PYCR1: variants seen among roughly 807,000 people sequenced by gnomAD.
PYCR1 encodes pyrroline-5-carboxylate reductase 1, also known as pyrroline-5-carboxylate reductase 1, mitochondrial.
In PYCR1, 19 loss-of-function variants were observed where a neutral mutation model predicts 22.9. The observed-to-expected ratio is 0.83, with a 90% confidence interval of 0.58 to 1.22. The LOEUF (loss-of-function observed/expected upper bound fraction) is 1.22, where lower values mean the gene tolerates loss of function less well. PYCR1 is among the 50% of genes most tolerant of loss of function. PYCR1 has a pLI of 0.00. For missense variants in PYCR1, 429 were observed against 431.3 expected, an observed-to-expected ratio of 0.99 and a Z score of 0.05; for synonymous variants, 175 against 180.5, an observed-to-expected ratio of 0.97 and a Z score of 0.24.
chr17:81,932,671 C>CT lies in PYCR1; in HGVS notation c.*542dup. ...AAGTTCACCAGCAGCCCAAGGAGCCCTTTCCCCAAATGTCCATGGGATCTG... is the reference window on the plus strand; with the variant it reads ...AAGTTCACCAGCAGCCCAAGGAGCCCTTTTCCCCAAATGTCCATGGGATCTG... On this transcript the variant is annotated 3_prime_UTR_variant, in exon 7 of 7. Transcript: ENST00000329875. The CT allele has an allele frequency of 1.4e-6, 1 of 714,558 alleles. No homozygotes were observed. The highest frequency in any genetic ancestry group is 2.3e-6 in the Non-Finnish European group (1 of 438,720). The allele number at this position is 714,558 out of a possible 1,614,324, so 44.3% of individuals were successfully genotyped here.
chr17:81,933,129 A>C lies in PYCR1; in HGVS notation c.*85T>G, dbSNP rs2041034990. 2.5e-6 allele frequency: 4 copies of C among 1,605,920 alleles called. No individual in the cohort carries two copies. Among genetic ancestry groups the C allele is most frequent in the Non-Finnish European group, 3.4e-6 (4 of 1,179,022 alleles). ...CCCCTGCGCTGATCAGAGCCACAGA[A>C]AGTGGGCCACTTTGGGGACCCCCTA... On this transcript the variant is annotated 3_prime_UTR_variant, in exon 7 of 7. Coordinates refer to ENST00000329875, the MANE Select transcript of PYCR1 (RefSeq NM_006907.4).
chr17:81,932,874 T>C lies in PYCR1; in HGVS notation c.*340A>G, dbSNP rs995485300. ...CCTTCACAGAGGGGGTCCTTGACCT[T>C]TGCTCTCAGGAAGGAGCCCGTGCCA... On this transcript the variant is annotated 3_prime_UTR_variant, in exon 7 of 7. Coordinates refer to ENST00000329875, the MANE Select transcript of PYCR1 (RefSeq NM_006907.4). 4.4e-6 allele frequency: 7 copies of C among 1,607,034 alleles called. No individual in the cohort carries two copies. Among genetic ancestry groups the C allele is most frequent in the Non-Finnish European group, 5.9e-6 (7 of 1,177,370 alleles).
Position 81,937,135 on chromosome 17 carries a change from A to T in PYCR1, c.-321T>A. ...CGGGGAGAGGGAGGGCCCGGCGCCT[A>T]GGGGTCCCCCGTCTGGGTTCCCACC... On this transcript the variant is annotated 5_prime_UTR_variant, in exon 1 of 7. An upstream open reading frame in the 5' UTR loses its in-frame stop. Transcript: ENST00000329875. 2 of 1,432,072 alleles carry T rather than the reference A, an allele frequency of 1.4e-6. No individual in the cohort carries two copies. The highest frequency in any genetic ancestry group is 1.8e-6 in the Non-Finnish European group (2 of 1,097,416). The allele number at this position is 1,432,072 out of a possible 1,614,324, so 88.7% of individuals were successfully genotyped here. A position where few individuals can be genotyped will look rare whatever the true frequency, so the allele number is the denominator to read the frequency against.
At chr17:81,934,562 G>C in intron 5 of PYCR1, 73 bp from the exon 6 acceptor site, 1 of 1,556,502 alleles carries the variant, frequency 6.4e-7, no homozygotes, top group South Asian at 1.2e-5. Context: ...AGCCACTGTA[G>C]CACACACTGA....
At chr17:81,936,723 C>T (rs1193098188) in intron 1 of PYCR1, 25 bp downstream of exon 1, 8 of 1,590,034 alleles carry the variant, frequency 5.0e-6, no homozygotes, top group East Asian at 4.5e-5. Context: ...CACTGGGCCT[C>T]ACCGTCCCCC....
In PYCR1 at chr17:81,933,483, C is replaced by A; in HGVS notation, c.798-107G>T. 4 of 1,358,128 alleles carry A rather than the reference C, an allele frequency of 2.9e-6. No homozygotes were observed. In the South Asian group the frequency reaches 4.9e-5, roughly 17 times the overall value. 84.1% of individuals were successfully genotyped at this position (1,358,128 alleles called of 1,614,324 possible). ...AGTCAGCCCTGGGCGATGCTGTCACCCTCACCTCAGCACCTTTATTCCCCT... is the reference window on the plus strand; with the variant it reads ...AGTCAGCCCTGGGCGATGCTGTCACACTCACCTCAGCACCTTTATTCCCCT... On this transcript the variant is annotated intron_variant, in intron 6 of 6. Transcript: ENST00000329875.
chr17:81,935,025 C>G lies in PYCR1; in HGVS notation c.441G>C (p.Arg147Ser). The change falls in exon 4 of 7, where the codon AGG becomes AGC. Residue 147 changes from arginine to serine, a missense_variant. Coordinates refer to ENST00000329875, the MANE Select transcript of PYCR1 (RefSeq NM_006907.4). ...CGCTGCTCAGCAGCTGCTCCATGAG[C>G]CTCCCGTCCTCCACCTGGGCGTGCG... ...TGTHAQVEDGRLMEQLLSSVG... is the reference protein window; with the variant it reads ...TGTHAQVEDGSLMEQLLSSVG... 4 of 1,610,380 alleles carry G rather than the reference C, an allele frequency of 2.5e-6. No homozygotes were observed. Among genetic ancestry groups the G allele is most frequent in the Non-Finnish European group, 3.4e-6 (4 of 1,180,010 alleles).
chr17:81,936,897 A>C lies in PYCR1; in HGVS notation c.-83T>G, dbSNP rs1354256914. 6.4e-7 allele frequency: 1 copy of C among 1,553,808 alleles called. No individual in the cohort carries two copies. Among genetic ancestry groups the C allele is most frequent in the Non-Finnish European group, 8.7e-7 (1 of 1,150,484 alleles). On this transcript the variant is annotated 5_prime_UTR_variant, in exon 1 of 7. Transcript: ENST00000329875. ...AGACCGGCAGGATCGAGAGCAAGTT[A>C]GGGGGGCAGTGCCAGCCTGGCCGCT...
Position 81,935,443 on chromosome 17 carries a change from T to C in PYCR1, c.212A>G (p.Lys71Arg). 1 of 1,613,546 alleles carries C rather than the reference T, an allele frequency of 6.2e-7. No individual in the cohort carries two copies. The highest frequency in any genetic ancestry group is 1.1e-5 in the South Asian group (1 of 91,008). The change falls in exon 3 of 7, where the codon AAG (lysine) becomes AGG (arginine). Residue 71 changes from lysine (K) to arginine (R), a missense_variant. By Grantham distance (26) the Lys-to-Arg change is conservative (BLOSUM62 2). Coordinates refer to ENST00000329875, the MANE Select transcript of PYCR1 (RefSeq NM_006907.4). The part of the protein sequence containing the change: ...QHSDVLFLAV[K>R]PHIIPFILDE... ...CAGGATGAAGGGGATGATGTGTGGCTTCACAGCCAGGAAGAGCACATCACT... is the reference window on the plus strand; with the variant it reads ...CAGGATGAAGGGGATGATGTGTGGCCTCACAGCCAGGAAGAGCACATCACT...
intron 1 of PYCR1, 126 bp from the exon 2 acceptor site, chr17:81,936,319 G>T: frequency 1.1e-6 from 1 of 893,958 alleles, no homozygotes; most frequent in Non-Finnish European, 1.7e-6. Flanking sequence ...TCCACCTCCC[G>T]GGTTCACGCC....
chr17:81,934,450 C>T lies in PYCR1; in HGVS notation c.673G>A (p.Gly225Ser), dbSNP rs996335056. The change falls in exon 6 of 7, where the codon GGC becomes AGC. Residue 225 changes from glycine to serine, a missense_variant. By Grantham distance (56) the Gly-to-Ser change is moderately conservative. Transcript: ENST00000329875. ...KMLLHSEQHP[G>S]QLKDNVSSPG... is the part of the protein sequence containing the mutation. ...GAGCTGACGTTGTCCTTGAGCTGGC[C>T]TGGGTGCTGTTCTGAGTGCAGCAGC... 1.1e-5 allele frequency: 17 copies of T among 1,610,090 alleles called. No individual in the cohort carries two copies. Among genetic ancestry groups the T allele is most frequent in the Non-Finnish European group, 1.3e-5 (15 of 1,179,074 alleles).
intron 2 of PYCR1, 85 bp downstream of exon 2, chr17:81,936,038 G>C (rs2041178537): frequency 3.3e-5 from 48 of 1,456,234 alleles, no homozygotes; most frequent in Non-Finnish European, 4.3e-5. Context: ...CCCTCACTGG[G>C]GTGGGGGCTA....
Position 81,934,345 on chromosome 17 carries a change from C to T in PYCR1, c.778G>A (p.Ala260Thr). The part of the protein sequence containing the change: ...FRSLLINAVE[A>T]SCIRTRELQS... ...GCCCACCGTGTGCGGATGCAGGAGG[C>T]CTCCACAGCGTTGATGAGCAGGGAG... is the stretch of plus-strand genomic sequence containing the variant. Residue 260 changes from alanine (A) to threonine (T), a missense_variant, in exon 6 of 7, where the codon GCC becomes ACC. Physicochemically the swap from Ala to Thr is moderately conservative, Grantham distance 58. Transcript: ENST00000329875. 1.9e-6 allele frequency: 3 copies of T among 1,612,946 alleles called. No individual in the cohort carries two copies. Among genetic ancestry groups the T allele is most frequent in the South Asian group, 1.1e-5 (1 of 90,986 alleles).
At chr17:81,936,051 G>GCA in intron 2 of PYCR1, 72 bp downstream of exon 2, 1 of 1,548,308 alleles carries the variant, frequency 6.5e-7, no homozygotes, top group Non-Finnish European at 8.9e-7. Context: ...GGGGGCTACA[G>GCA]CACACACTCC....
intron 2 of PYCR1, 95 bp from the exon 3 acceptor site, chr17:81,935,611 T>TTTATTGGG: frequency 1.4e-6 from 1 of 715,940 alleles, no homozygotes; most frequent in Non-Finnish European, 2.2e-6. Context: ...CAGAGAATGC[T>TTTATTGGG]GGAGTTGGGG....
Position 81,933,106 on chromosome 17 carries a change from C to T in PYCR1, c.*108G>A, listed in dbSNP as rs1361724149. 3 of 1,599,936 alleles carry T rather than the reference C, an allele frequency of 1.9e-6. No individual in the cohort carries two copies. Among genetic ancestry groups the T allele is most frequent in the Non-Finnish European group, 2.5e-6 (3 of 1,177,914 alleles). ...TCCCTGGCTATGTCCCTGGCTGGCC[C>T]CTGCGCTGATCAGAGCCACAGAAAG... On this transcript the variant is annotated 3_prime_UTR_variant, in exon 7 of 7. Transcript: ENST00000329875.
intron 6 of PYCR1, 83 bp from the exon 7 acceptor site, chr17:81,933,459 G>T (rs2041052488): frequency 6.6e-7 from 1 of 1,524,584 alleles, no homozygotes; most frequent in Non-Finnish European, 9.0e-7. Context: ...CCCAGTGCCA[G>T]TCAGCCCTGG....
Position 81,933,013 on chromosome 17 carries a change from C to T in PYCR1, c.*201G>A, listed in dbSNP as rs1385724624. The T allele has an allele frequency of 6.3e-7, 1 of 1,588,648 alleles. No homozygotes were observed. Among genetic ancestry groups the T allele is most frequent in the Non-Finnish European group, 8.5e-7 (1 of 1,169,652 alleles). On this transcript the variant is annotated 3_prime_UTR_variant, in exon 7 of 7. Transcript: ENST00000329875. ...GAAAGGAGGTTGAGGTTGGGGAATCCACCCCTGTTCTGGGCTGGGAAGCAC... is the reference window on the plus strand; with the variant it reads ...GAAAGGAGGTTGAGGTTGGGGAATCTACCCCTGTTCTGGGCTGGGAAGCAC...
At position 81,935,163 on chromosome 17, in the gene PYCR1, G is replaced by A; in HGVS notation, c.319-16C>T. On this transcript the variant is annotated splice_polypyrimidine_tract_variant and intron_variant, in intron 3 of 6. Transcript: ENST00000329875. ...CTGACAGCTTCTGGAAGAGAAACCA[G>A]CGTGTCCGTCTGGCCATGGACGCAG... 6.3e-7 allele frequency: 1 copy of A among 1,598,860 alleles called. No individual in the cohort carries two copies. The highest frequency in any genetic ancestry group is 8.5e-7 in the Non-Finnish European group (1 of 1,175,634).
Sources: gnomAD v4.1 joint callset for allele counts on GRCh38, gnomAD v4.1.1 for gene constraint, MANE v1.5 for transcripts, NCBI Gene and HGNC (gene_info 2026-07-23, HGNC 2026-07-21) for gene names.